KAZN: variants seen among roughly 807,000 people sequenced by gnomAD.
KAZN encodes the protein kazrin.
In KAZN, 40 loss-of-function variants were observed where a neutral mutation model predicts 87.4. The observed-to-expected ratio is 0.46, with a 90% confidence interval of 0.36 to 0.60. The LOEUF is 0.60. Among genes scored for constraint, KAZN ranks in the 20% least tolerant of loss-of-function variants. The probability of loss-of-function intolerance (pLI) is 0.00; values close to 1 mark genes in which losing one functional copy is unlikely to be tolerated. For missense variants in KAZN, 898 were observed against 1,073.9 expected, an observed-to-expected ratio of 0.84 and a Z score of 2.29; for synonymous variants, 466 against 458.3, an observed-to-expected ratio of 1.02 and a Z score of -0.22.
chr1:14,692,209 A>T, intron 1 of KAZN: 1 of 489,832 alleles, frequency 2.0e-6, no homozygotes, highest in East Asian at 3.3e-5. Context: ...TCACTTTCTA[A>T]CATCTGTTGA....
intron 1 of KAZN, among the ~76,000 whole-genome samples, chr1:14,810,975 T>C (rs1380474403): frequency 6.6e-6 from 1 of 152,238 alleles, no homozygotes; most frequent in Non-Finnish European, 1.5e-5. Flanking sequence ...AACTTCCGTC[T>C]TTTCAGATTT....
rs779478439 is a variant in KAZN at position 15,060,173 on chromosome 1, G to T, written c.918G>T (p.Ala306=). 6.2e-6 allele frequency: 10 copies of T among 1,614,104 alleles called. No homozygotes were observed. The East Asian group carries it at 1.8e-4, about 29-fold the overall frequency. ...TCACCAGCTGTCCCTGCTTTCCAGC[G>T]GTCAGGGTGAGCCCCTGCCACTCCC... is the stretch of plus-strand genomic sequence containing the variant. ...SHPPHPADRQ[A]VRVSPCHSRQ... Residue 306 remains alanine (A), a splice_region_variant and synonymous_variant, in exon 6 of 15, where the codon GCG becomes GCT. Coordinates refer to ENST00000376030, the MANE Select transcript of KAZN (RefSeq NM_201628.3).
At chr1:14,950,247 C>T (rs1662323819) in intron 1 of KAZN, among the ~76,000 whole-genome samples, 1 of 152,002 alleles carries the variant, frequency 6.6e-6, no homozygotes, top group South Asian at 2.1e-4. Flanking sequence ...GATCATATGA[C>T]ACAGGCCCAG....
intron 1 of KAZN, among the ~76,000 whole-genome samples, chr1:14,819,900 G>C (rs1052418909): frequency 2.0e-5 from 3 of 151,824 alleles, no homozygotes; most frequent in Admixed American, 6.6e-5. Context: ...AGTAGAGACA[G>C]GGTTTCACCA....
chr1:14,709,811 C>T (rs1467985131), intron 1 of KAZN, among the ~76,000 whole-genome samples: 1 of 152,164 alleles, frequency 6.6e-6, no homozygotes, highest in Admixed American at 6.5e-5. Context: ...TGAGTGTCAC[C>T]AGGTGCCTTT....
At chr1:14,036,786 CATT>C (rs1173435245) in intron 1 of KAZN, among the ~76,000 whole-genome samples, 1 of 151,530 alleles carries the variant, frequency 6.6e-6, no homozygotes, top group Non-Finnish European at 1.5e-5. Context: ...TTATTATTAT[CATT>C]ATTATTTTGA....
At chr1:14,437,673 C>T (rs1666476343) in intron 2 of KAZN, among the ~76,000 whole-genome samples, 2 of 152,192 alleles carry the variant, frequency 1.3e-5, no homozygotes, top group South Asian at 4.1e-4. Flanking sequence ...CTGCCAGGAG[C>T]TGCAGTCGCT....
At chr1:14,189,298 T>C (rs373574196) in intron 2 of KAZN, among the ~76,000 whole-genome samples, 33 of 152,264 alleles carry the variant, frequency 2.2e-4, no homozygotes, top group Middle Eastern at 3.4e-3. Flanking sequence ...TTGTATTGGA[T>C]TACTGAGTCT....
At chr1:14,640,587 C>T (rs1421617994) in intron 1 of KAZN, among the ~76,000 whole-genome samples, 1 of 152,112 alleles carries the variant, frequency 6.6e-6, no homozygotes, top group Non-Finnish European at 1.5e-5. Context: ...AGTACTCATC[C>T]AGCACTCTGC....
intron 2 of KAZN, among the ~76,000 whole-genome samples, chr1:15,028,337 T>C (rs928855836): frequency 1.3e-5 from 2 of 152,158 alleles, no homozygotes; most frequent in Admixed American, 1.3e-4. Flanking sequence ...AGGACCCGCG[T>C]GGGTGAGGCC....
At chr1:13,938,591 C>A (rs1330505597) in intron 1 of KAZN, among the ~76,000 whole-genome samples, 1 of 152,220 alleles carries the variant, frequency 6.6e-6, no homozygotes, top group Non-Finnish European at 1.5e-5. Context: ...CAGAAGTCTG[C>A]TGCCAGGGTG....
chr1:14,753,231 T>A (rs1235880085), intron 1 of KAZN, among the ~76,000 whole-genome samples: 1 of 152,144 alleles, frequency 6.6e-6, no homozygotes, highest in Non-Finnish European at 1.5e-5. Context: ...ATTTTTAAAT[T>A]TATTTTTCTT....
chr1:14,592,570 T>C lies in KAZN; in HGVS notation c.250-6413T>C, dbSNP rs764759743. 7.2e-5 allele frequency among the ~76,000 whole-genome samples: 11 copies of C among 152,338 alleles called. 1 individual carries two copies. The Middle Eastern group carries it at 0.014, about 188-fold the overall frequency. ...CAGCTTCTGAGAATTCCATGTCATG[T>C]GGTCTTCATCTTCGCTTCGGGAAAC... On this transcript the variant is annotated intron_variant, in intron 2 of 16. Coordinates refer to the KAZN transcript ENST00000636203.
intron 2 of KAZN, among the ~76,000 whole-genome samples, chr1:14,437,544 AT>A (rs2101427512): frequency 6.6e-6 from 1 of 152,210 alleles, no homozygotes; most frequent in African/African-American, 2.4e-5. Context: ...TGCTTGTCCA[AT>A]TTTTCCAACA....
chr1:14,661,298 T>G (rs1352219829), intron 1 of KAZN, among the ~76,000 whole-genome samples: 2 of 152,144 alleles, frequency 1.3e-5, no homozygotes, highest in Non-Finnish European at 1.5e-5. Flanking sequence ...TGTAGCCCTT[T>G]CTGCCTGGTT....
At chr1:14,140,195 G>T (rs1025823976) in intron 1 of KAZN, among the ~76,000 whole-genome samples, 24 of 151,946 alleles carry the variant, frequency 1.6e-4, no homozygotes, top group African/African-American at 5.6e-4. Flanking sequence ...TTTAAATCCT[G>T]GCCCCATCAG....
chr1:14,576,833 T>C (rs373005931), intron 2 of KAZN, among the ~76,000 whole-genome samples: 1 of 152,236 alleles, frequency 6.6e-6, no homozygotes, highest in East Asian at 1.9e-4. Context: ...ATAATACTTA[T>C]TGAAACCAAG....
intron 1 of KAZN, chr1:14,692,098 G>A: frequency 3.3e-6 from 1 of 300,338 alleles, no homozygotes. Flanking sequence ...AGGATTTAAT[G>A]CAAACATCAC....
chr1:15,110,133 CTG>C lies in KAZN; in HGVS notation c.2049-2290_2049-2289del, dbSNP rs537887499. Among the ~76,000 whole-genome samples the C allele has an allele frequency of 7.9e-3, 1,142 of 144,970 alleles. 9 individuals carry two copies. Among genetic ancestry groups the C allele is most frequent in the Middle Eastern group, 0.017 (4 of 242 alleles). ...TTTGTGTGTGTATTTGTGTATGTGT[CTG>C]TGTATTTGTGTATGTGTGTGCATAT... On this transcript the variant is annotated intron_variant, in intron 13 of 14. Coordinates refer to ENST00000376030, the MANE Select transcript of KAZN (RefSeq NM_201628.3).
Sources: gnomAD v4.1 joint callset for allele counts (sites outside exome capture counted in the v4.1 genomes callset) on GRCh38, gnomAD v4.1.1 for gene constraint, MANE v1.5 for transcripts, NCBI Gene and HGNC (gene_info 2026-07-23, HGNC 2026-07-21) for gene names.